Variants in NDUFB10 observed in about 807,000 individuals in gnomAD.
The protein encoded by NDUFB10 is NADH:ubiquinone oxidoreductase subunit B10.
NDUFB10 carries 23 observed loss-of-function variants against 19.0 expected under a neutral mutation model. The ratio of observed to expected loss-of-function variants is 1.21; its 90% CI spans 0.87 to 1.71. The LOEUF (loss-of-function observed/expected upper bound fraction) is 1.71. Ranked by LOEUF, NDUFB10 falls within the 40% of genes most tolerant of loss-of-function variation. NDUFB10 has a pLI of 0.00. For synonymous variants in NDUFB10, 104 were observed against 81.8 expected, an observed-to-expected ratio of 1.27 and a Z score of -1.46; for missense variants, 312 against 230.6, an observed-to-expected ratio of 1.35 and a Z score of -2.29.
chr16:1,961,329 G>A (rs376172330), intron 2 of NDUFB10, 38 bp downstream of exon 2: 127 of 1,610,948 alleles, frequency 7.9e-5, no homozygotes, highest in Admixed American at 2.2e-4. Flanking sequence ...GATCTGCACC[G>A]TGTGCTGCTG....
chr16:1,959,995 C>G (rs1426263803), intron 1 of NDUFB10, among the ~76,000 whole-genome samples: 4 of 151,878 alleles, frequency 2.6e-5, no homozygotes, highest in Non-Finnish European at 5.9e-5. Flanking sequence ...CGGGATGCCC[C>G]GCTTCTTCCC....
In NDUFB10 at chr16:1,961,451, A is replaced by G. The variant is rs202116435; in HGVS notation, c.270-46A>G. The G allele has an allele frequency of 4.3e-6, 7 of 1,609,298 alleles. No homozygotes were observed. The East Asian group carries it at 1.3e-4, about 31-fold the overall frequency. On this transcript the variant is annotated intron_variant, in intron 2 of 3. Transcript: ENST00000268668. Reference sequence around the variant, plus strand: ...TCAATTGTTCTCACAGGGTACAGGAAAAGGATTCCTTGTGATTAGCCTCTC... The same window carrying G: ...TCAATTGTTCTCACAGGGTACAGGAGAAGGATTCCTTGTGATTAGCCTCTC...
In NDUFB10 at chr16:1,961,302, C is replaced by T. The variant is rs764120700; in HGVS notation, c.269+11C>T. 1.9e-6 allele frequency: 3 copies of T among 1,613,602 alleles called. No homozygotes were observed. Among genetic ancestry groups the T allele is most frequent in the East Asian group, 2.2e-5 (1 of 44,876 alleles). On this transcript the variant is annotated intron_variant, in intron 2 of 3. Coordinates refer to ENST00000268668, the MANE Select transcript of NDUFB10 (RefSeq NM_004548.3). ...GTGGAAGAGGGACTAGTACGTGAGCCATGCTGGGAGTGTGGAGATCTGCAC... is the reference window on the plus strand; with the variant it reads ...GTGGAAGAGGGACTAGTACGTGAGCTATGCTGGGAGTGTGGAGATCTGCAC...
In NDUFB10 at chr16:1,959,570, G is replaced by C. The variant is rs1402853102; in HGVS notation, c.-55G>C. 6.5e-7 allele frequency: 1 copy of C among 1,546,216 alleles called. No homozygotes were observed. Among genetic ancestry groups the C allele is most frequent in the Non-Finnish European group, 8.7e-7 (1 of 1,143,954 alleles). On this transcript the variant is annotated 5_prime_UTR_variant, in exon 1 of 4. Coordinates refer to ENST00000268668, the MANE Select transcript of NDUFB10 (RefSeq NM_004548.3). ...GCGACCTAGGCCGCGGGACCCGGAC[G>C]GAGGTAGAGGCCAGGGCAGCGCGTC...
chr16:1,960,654 G>A (rs1377232905), intron 1 of NDUFB10, among the ~76,000 whole-genome samples: 1 of 152,234 alleles, frequency 6.6e-6, no homozygotes, highest in African/African-American at 2.4e-5. Flanking sequence ...CCTCTCTTTT[G>A]TAGCAGTTGT....
At position 1,959,559 on chromosome 16, in the gene NDUFB10, G is replaced by A; in HGVS notation, c.-66G>A. 1 of 1,521,274 alleles carries A rather than the reference G, an allele frequency of 6.6e-7. No individual in the cohort carries two copies. The highest frequency in any genetic ancestry group is 1.4e-5 in the African/African-American group (1 of 71,778). The allele number at this position is 1,521,274 out of a possible 1,614,324, so 94.2% of individuals were successfully genotyped here. ...CTCTGTAGCGGGCGACCTAGGCCGC[G>A]GGACCCGGACGGAGGTAGAGGCCAG... On this transcript the variant is annotated 5_prime_UTR_variant, in exon 1 of 4. Transcript: ENST00000268668.
chr16:1,961,924 C>T lies in NDUFB10; in HGVS notation c.*18C>T, dbSNP rs74903026. 44,569 of 1,549,050 alleles carry T rather than the reference C, an allele frequency of 0.029. 814 individuals are homozygous for T. The highest frequency in any genetic ancestry group is 0.076 in the African/African-American group (5,599 of 73,238). The stretch of plus-strand genomic sequence containing the variant: ...CCTCCTGAGGCAGCTGTGGGTGCCC[C>T]TGCTGTGTGGCTCTGTATGACTGTT... On this transcript the variant is annotated 3_prime_UTR_variant, in exon 4 of 4. Coordinates refer to ENST00000268668, the MANE Select transcript of NDUFB10 (RefSeq NM_004548.3).
chr16:1,961,722 T>C, intron 3 of NDUFB10, 75 bp from the exon 4 acceptor site: 2 of 1,413,258 alleles, frequency 1.4e-6, no homozygotes, highest in East Asian at 3.3e-5. Flanking sequence ...TCCCCTCCCT[T>C]GTGCTCACTT....
intron 1 of NDUFB10, among the ~76,000 whole-genome samples, chr16:1,960,050 A>T (rs138182235): frequency 0.011 from 1,560 of 146,644 alleles, 9 homozygotes; most frequent in Non-Finnish European, 0.017. Context: ...CTGCCCCAGG[A>T]CCCCGCACTG....
At position 1,961,179 on chromosome 16, in the gene NDUFB10, A is replaced by C; in HGVS notation, c.157A>C (p.Asn53His). The change falls in exon 2 of 4, where the codon AAC becomes CAC. Residue 53 changes from asparagine (N) to histidine (H), a missense_variant. Asn to His is a moderately conservative substitution (Grantham distance 68). Transcript: ENST00000268668. Reference protein sequence around the residue: ...REFIERQHAKNRYYYYHRQYR... With the variant: ...REFIERQHAKHRYYYYHRQYR... ...ATTTATAGAGCGGCAGCACGCAAAG[A>C]ACAGGTATTACTACTACCACCGGCA... 2.5e-6 allele frequency: 4 copies of C among 1,614,112 alleles called. No individual in the cohort carries two copies. Among genetic ancestry groups the C allele is most frequent in the Non-Finnish European group, 3.4e-6 (4 of 1,180,016 alleles).
intron 1 of NDUFB10, 74 bp from the exon 2 acceptor site, chr16:1,961,079 C>T (rs1160413221): frequency 1.9e-5 from 30 of 1,556,468 alleles, no homozygotes; most frequent in Non-Finnish European, 2.5e-5. Flanking sequence ...CTCCAAAGGG[C>T]TTATGAGAAA....
intron 1 of NDUFB10, among the ~76,000 whole-genome samples, chr16:1,960,891 T>C (rs72764887): frequency 0.15 from 22,372 of 152,238 alleles, 1,841 homozygotes; most frequent in South Asian, 0.28. Context: ...TGTAGGCTTG[T>C]GTGGGGGACA....
chr16:1,959,869 C>A, intron 1 of NDUFB10, 115 bp downstream of exon 1: 2 of 1,420,606 alleles, frequency 1.4e-6, no homozygotes, highest in South Asian at 1.3e-5. Context: ...CCGCCCCCCG[C>A]TGCACCCCGG....
intron 1 of NDUFB10, 41 bp from the exon 2 acceptor site, chr16:1,961,112 A>G (rs778797596): frequency 5.0e-6 from 8 of 1,609,536 alleles, no homozygotes; most frequent in Middle Eastern, 3.8e-4. Flanking sequence ...AAGCCTGTCC[A>G]AACCGATGAG....
rs531463043 is a variant in NDUFB10 at position 1,959,834 on chromosome 16, C to T, written c.130+80C>T. 373 of 1,562,456 alleles carry T rather than the reference C, an allele frequency of 2.4e-4. 4 individuals carry two copies. The South Asian group carries it at 3.8e-3, about 16-fold the overall frequency. On this transcript the variant is annotated intron_variant, in intron 1 of 3. Coordinates refer to ENST00000268668, the MANE Select transcript of NDUFB10 (RefSeq NM_004548.3). ...CACACCCTGCCTGGATCCTCCAATG[C>T]CTCCGGGGTCCCGTCTGCCTGAGAC... is the stretch of plus-strand genomic sequence containing the variant.
At position 1,959,655 on chromosome 16, in the gene NDUFB10, C is replaced by T. The variant is rs2083240552; in HGVS notation, c.31C>T (p.Pro11Ser). The T allele has an allele frequency of 4.3e-6, 7 of 1,612,840 alleles. No individual in the cohort carries two copies. In the South Asian group the frequency reaches 4.4e-5, roughly 10 times the overall value. The change falls in exon 1 of 4, where the codon CCT becomes TCT. Residue 11 changes from proline (P) to serine (S), a missense_variant. By Grantham distance (74) the Pro-to-Ser change is moderately conservative. Coordinates refer to ENST00000268668, the MANE Select transcript of NDUFB10 (RefSeq NM_004548.3). Reference protein sequence around the residue: MPDSWDKDVYPEPPRRTPVQP... With the variant: MPDSWDKDVYSEPPRRTPVQP... Reference sequence around the variant, plus strand: ...GGACAGCTGGGACAAGGATGTGTACCCTGAGCCCCCGCGCCGCACGCCGGT... The same window carrying T: ...GGACAGCTGGGACAAGGATGTGTACTCTGAGCCCCCGCGCCGCACGCCGGT...
At chr16:1,960,902 G>C (rs1347917475) in intron 1 of NDUFB10, among the ~76,000 whole-genome samples, 1 of 152,236 alleles carries the variant, frequency 6.6e-6, no homozygotes, top group Non-Finnish European at 1.5e-5. Flanking sequence ...GTGGGGGACA[G>C]AGTAAGGTAA....
At chr16:1,960,923 A>G (rs1489229377) in intron 1 of NDUFB10, among the ~76,000 whole-genome samples, 2 of 152,026 alleles carry the variant, frequency 1.3e-5, no homozygotes, top group African/African-American at 4.8e-5. Flanking sequence ...TGCATGTGGA[A>G]CTCTGAGGAT....
Position 1,961,937 on chromosome 16 carries a change from C to T in NDUFB10, c.*31C>T. 1 of 1,534,588 alleles carries T rather than the reference C, an allele frequency of 6.5e-7. No individual in the cohort carries two copies. The highest frequency in any genetic ancestry group is 8.8e-7 in the Non-Finnish European group (1 of 1,131,588). On this transcript the variant is annotated 3_prime_UTR_variant, in exon 4 of 4. Transcript: ENST00000268668. ...CTGTGGGTGCCCCTGCTGTGTGGCTCTGTATGACTGTTGCTGAAATATAAA... is the reference window on the plus strand; with the variant it reads ...CTGTGGGTGCCCCTGCTGTGTGGCTTTGTATGACTGTTGCTGAAATATAAA...
Sources: allele counts gnomAD v4.1 joint callset (sites outside exome capture counted in the v4.1 genomes callset), GRCh38; gene constraint gnomAD v4.1.1; transcripts MANE v1.5; gene names NCBI Gene and HGNC (gene_info 2026-07-23, HGNC 2026-07-21).